The following SHISA2 variants were observed in gnomAD, a reference collection of about 807,000 sequenced individuals.
SHISA2 encodes the protein shisa family member 2.
In SHISA2, 16 loss-of-function variants were observed where a neutral mutation model predicts 23.8. The ratio of observed to expected loss-of-function variants is 0.67; its 90% confidence interval spans 0.46 to 1.02. The LOEUF (loss-of-function observed/expected upper bound fraction) is 1.02. Ranked by LOEUF, SHISA2 falls within the 50% of genes least tolerant of loss-of-function variation. The pLI is 0.00. For synonymous variants in SHISA2, 201 were observed against 178.6 expected, an observed-to-expected ratio of 1.13 and a Z score of -1.00; for missense variants, 459 against 420.1, an observed-to-expected ratio of 1.09 and a Z score of -0.81.
rs1304666713 is a variant in SHISA2, at chr13:26,050,817, C to T, written c.159G>A (p.Gln53=). 2.6e-6 allele frequency: 4 copies of T among 1,541,466 alleles called. No homozygotes were observed. The South Asian group carries it at 4.7e-5, about 18-fold the overall frequency. Reference sequence around the variant, plus strand: ...CGCCGCCGTCGAAGCGCTCGGGACACTGGAAGCCGATGCGCCAGACGCCCT... The same window carrying T: ...CGCCGCCGTCGAAGCGCTCGGGACATTGGAAGCCGATGCGCCAGACGCCCT... ...DAQGVWRIGF[Q]CPERFDGGDA... is the part of the protein sequence containing the mutation. The change falls in exon 1 of 2, where the codon CAG becomes CAA. Residue 53 remains glutamine (Q), a synonymous_variant. Transcript: ENST00000319420.
chr13:26,049,901 C>CACACAA (rs1957289869), intron 1 of SHISA2, among the ~76,000 whole-genome samples: 1 of 150,752 alleles, frequency 6.6e-6, no homozygotes, highest in South Asian at 2.1e-4. Flanking sequence ...CACACACACA[C>CACACAA]GGAGTGACTG....
chr13:26,046,959 C>A lies in SHISA2; in HGVS notation c.442G>T (p.Asp148Tyr), dbSNP rs375336633. Residue 148 changes from aspartate to tyrosine, a missense_variant, in exon 2 of 2, where the codon GAT (aspartate) becomes TAT (tyrosine). Physicochemically the swap from Asp to Tyr is radical, Grantham distance 160 (BLOSUM62 -3). Transcript: ENST00000319420. Reference sequence around the variant, plus strand: ...CCTGGGGCTCGGCTCTGCTGGGGATCCTGCTTAGGCCGGAGACATCTGCAG... The same window carrying A: ...CCTGGGGCTCGGCTCTGCTGGGGATACTGCTTAGGCCGGAGACATCTGCAG... ...CCCRCLRPKQ[D>Y]PQQSRAPGGN... The A allele has an allele frequency of 6.2e-7, 1 of 1,611,522 alleles. No individual in the cohort carries two copies. The highest frequency in any genetic ancestry group is 1.3e-5 in the African/African-American group (1 of 74,936).
rs1957300847 is a variant in SHISA2 at position 26,051,082 on chromosome 13, G to A, written c.-107C>T. 4 of 1,067,506 alleles carry A rather than the reference G, an allele frequency of 3.7e-6. No homozygotes were observed. Among genetic ancestry groups the A allele is most frequent in the Non-Finnish European group, 5.1e-6 (4 of 788,848 alleles). The allele number at this position is 1,067,506 out of a possible 1,614,324, so 66.1% of individuals were successfully genotyped here. On this transcript the variant is annotated 5_prime_UTR_variant, in exon 1 of 2. Coordinates refer to ENST00000319420, the MANE Select transcript of SHISA2 (RefSeq NM_001007538.2). ...GCCTCGTCACTGACTGTCCCGCGGC[G>A]CTTTCCGCGCGGGCCACTCCCCTCT...
Position 26,046,431 on chromosome 13 carries a change from C to T in SHISA2, c.*82G>A. On this transcript the variant is annotated 3_prime_UTR_variant, in exon 2 of 2. Coordinates refer to ENST00000319420, the MANE Select transcript of SHISA2 (RefSeq NM_001007538.2). Reference sequence around the variant, plus strand: ...CAAAGGAATCGTGCCATAAATACCACCGACATGTGCGGACTTCCACCTCGA... The same window carrying T: ...CAAAGGAATCGTGCCATAAATACCATCGACATGTGCGGACTTCCACCTCGA... 7.0e-7 allele frequency: 1 copy of T among 1,419,870 alleles called. No individual in the cohort carries two copies. Among genetic ancestry groups the T allele is most frequent in the Non-Finnish European group, 9.5e-7 (1 of 1,057,570 alleles). The allele number at this position is 1,419,870 out of a possible 1,614,324, so 88.0% of individuals were successfully genotyped here.
In SHISA2 at chr13:26,051,992, C is replaced by T. The variant is rs1593750807; in HGVS notation, c.-1017G>A. Among the ~76,000 whole-genome samples the T allele has an allele frequency of 6.8e-6, 1 of 146,712 alleles. No homozygotes were observed. Among genetic ancestry groups the T allele is most frequent in the East Asian group, 2.0e-4 (1 of 4,896 alleles). On this transcript the variant is annotated 5_prime_UTR_variant, in exon 1 of 2. Coordinates refer to ENST00000319420, the MANE Select transcript of SHISA2 (RefSeq NM_001007538.2). ...CGCCCACAGCCTCGCCTCGCCCCGCCCGGCGCCAGACCAGCTCCGACTCCG... is the reference window on the plus strand; with the variant it reads ...CGCCCACAGCCTCGCCTCGCCCCGCTCGGCGCCAGACCAGCTCCGACTCCG...
intron 1 of SHISA2, among the ~76,000 whole-genome samples, chr13:26,049,513 C>T (rs1372017571): frequency 6.6e-6 from 1 of 152,148 alleles, no homozygotes; most frequent in Non-Finnish European, 1.5e-5. Context: ...GGGCTTTCTT[C>T]CATGGCCACA....
At position 26,047,120 on chromosome 13, in the gene SHISA2, C is replaced by A. The variant is rs1957274377; in HGVS notation, c.335-54G>T. ...ATGATCTACTCTAGGAACACAGTAC[C>A]AATCGCCAACTGGCAATGGCAATGA... On this transcript the variant is annotated intron_variant, in intron 1 of 1. Coordinates refer to ENST00000319420, the MANE Select transcript of SHISA2 (RefSeq NM_001007538.2). The A allele has an allele frequency of 2.0e-6, 3 of 1,473,948 alleles. No individual in the cohort carries two copies. In the African/African-American group the frequency reaches 4.2e-5, roughly 21 times the overall value. 91.3% of individuals were successfully genotyped at this position (1,473,948 alleles called of 1,614,324 possible).
chr13:26,048,376 G>A (rs181278859), intron 1 of SHISA2, among the ~76,000 whole-genome samples: 1 of 152,218 alleles, frequency 6.6e-6, no homozygotes, highest in East Asian at 1.9e-4. Flanking sequence ...GCACTACAAG[G>A]CTTTAGAAAA....
intron 1 of SHISA2, among the ~76,000 whole-genome samples, chr13:26,049,863 AACACACACACAC>A (rs57979033): frequency 6.0e-4 from 82 of 136,040 alleles, no homozygotes; most frequent in African/African-American, 1.2e-3. Flanking sequence ...CGAAATAAAT[AACACACACACAC>A]ACACACACAC....
Position 26,046,759 on chromosome 13 carries a change from G to A in SHISA2, c.642C>T (p.Asn214=), listed in dbSNP as rs1957270927. 2 of 1,614,226 alleles carry A rather than the reference G, an allele frequency of 1.2e-6. No homozygotes were observed. Among genetic ancestry groups the A allele is most frequent in the Non-Finnish European group, 1.7e-6 (2 of 1,180,042 alleles). The change falls in exon 2 of 2, where the codon AAC becomes AAT. Residue 214 remains asparagine (N), a synonymous_variant. Transcript: ENST00000319420. ...TNCCLPEGTM[N]NVYVNMPTNF... ...TCGTGGGCATGTTGACATACACGTT[G>A]TTCATGGTCCCTTCCGGCAAGCAAC...
intron 1 of SHISA2, among the ~76,000 whole-genome samples, chr13:26,049,030 C>T (rs1469855008): frequency 6.6e-6 from 1 of 152,128 alleles, no homozygotes; most frequent in East Asian, 1.9e-4. Flanking sequence ...ATAAATATTT[C>T]ATTCTCTAAA....
rs1006864406 is a variant in SHISA2, at chr13:26,046,732, A to G, written c.669T>C (p.Asn223=). ...CCTGCTGACAGTTCAGCACAGAGAA[A>G]TTCGTGGGCATGTTGACATACACGT... is the stretch of plus-strand genomic sequence containing the variant. ...MNNVYVNMPT[N]FSVLNCQQAT... The change falls in exon 2 of 2, where the codon AAT becomes AAC. Residue 223 remains asparagine, a synonymous_variant. Transcript: ENST00000319420. 1.6e-5 allele frequency: 26 copies of G among 1,614,176 alleles called. No homozygotes were observed. The highest frequency in any genetic ancestry group is 1.9e-5 in the Non-Finnish European group (23 of 1,180,036).
intron 1 of SHISA2, among the ~76,000 whole-genome samples, chr13:26,049,558 C>A (rs1031161536): frequency 6.6e-6 from 1 of 151,776 alleles, no homozygotes; most frequent in Non-Finnish European, 1.5e-5. Flanking sequence ...TTTAAGACTG[C>A]GCTGGTTCTG....
At chr13:26,050,066 G>C (rs1177835718) in intron 1 of SHISA2, among the ~76,000 whole-genome samples, 1 of 152,176 alleles carries the variant, frequency 6.6e-6, no homozygotes, top group Non-Finnish European at 1.5e-5. Flanking sequence ...GCACTGCTCC[G>C]ATGTTACACC....
In SHISA2 at chr13:26,047,033, G is replaced by A; in HGVS notation, c.368C>T (p.Ser123Phe). 1 of 1,563,326 alleles carries A rather than the reference G, an allele frequency of 6.4e-7. No homozygotes were observed. The highest frequency in any genetic ancestry group is 1.2e-5 in the South Asian group (1 of 84,928). Reference protein sequence around the residue: ...PIYVPFLIVGSVFVAFIILGS... With the variant: ...PIYVPFLIVGFVFVAFIILGS... ...CAAGATGATAAAGGCGACAAACACG[G>A]AGCCAACAATGAGGAACGGCACGTA... is the stretch of plus-strand genomic sequence containing the variant. The change falls in exon 2 of 2, where the codon TCC (serine) becomes TTC (phenylalanine). Residue 123 changes from serine to phenylalanine, a missense_variant. Physicochemically the swap from Ser to Phe is radical, Grantham distance 155. Coordinates refer to ENST00000319420, the MANE Select transcript of SHISA2 (RefSeq NM_001007538.2).
rs1240771162 is a variant in SHISA2, at chr13:26,051,286, G to A, written c.-311C>T. On this transcript the variant is annotated 5_prime_UTR_variant, in exon 1 of 2. Transcript: ENST00000319420. The stretch of plus-strand genomic sequence containing the variant: ...GGCTGTCGTCCGGAAGCCTCTGGAG[G>A]TTTCACTGGCAACCGGACCCTCCCT... 6.6e-6 allele frequency among the ~76,000 whole-genome samples: 1 copy of A among 152,156 alleles called. No individual in the cohort carries two copies. The highest frequency in any genetic ancestry group is 6.5e-5 in the Admixed American group (1 of 15,286).
rs1957259065 is a variant in SHISA2, at chr13:26,045,338, T to C, written c.*1175A>G. 6.6e-6 allele frequency: 1 copy of C among 152,124 alleles called. No individual in the cohort carries two copies. The highest frequency in any genetic ancestry group is 2.4e-5 in the African/African-American group (1 of 41,418). The allele number at this position is 152,124 out of a possible 1,614,324, so 9.4% of individuals were successfully genotyped here. ...CATAACCACAAGGCAAAATTAAAAG[T>C]AACTCAGAGAAGCAGCGGGTGATAG... On this transcript the variant is annotated 3_prime_UTR_variant, in exon 2 of 2. Coordinates refer to ENST00000319420, the MANE Select transcript of SHISA2 (RefSeq NM_001007538.2).
intron 1 of SHISA2, among the ~76,000 whole-genome samples, chr13:26,048,603 T>A (rs1468642995): frequency 6.6e-6 from 1 of 152,160 alleles, no homozygotes; most frequent in Non-Finnish European, 1.5e-5. Flanking sequence ...CAGAGTCGGA[T>A]GGGGCAGCAT....
At position 26,046,234 on chromosome 13, in the gene SHISA2, T is replaced by A; in HGVS notation, c.*279A>T. On this transcript the variant is annotated 3_prime_UTR_variant, in exon 2 of 2. Coordinates refer to ENST00000319420, the MANE Select transcript of SHISA2 (RefSeq NM_001007538.2). ...TTATAAAATTCTTTCGTCAACCATATCTCAAGGGCACTTCGGACTCAAGCA... is the reference window on the plus strand; with the variant it reads ...TTATAAAATTCTTTCGTCAACCATAACTCAAGGGCACTTCGGACTCAAGCA... 1 of 330,506 alleles carries A rather than the reference T, an allele frequency of 3.0e-6. No homozygotes were observed. The highest frequency in any genetic ancestry group is 5.5e-6 in the Non-Finnish European group (1 of 181,288). 20.5% of individuals were successfully genotyped at this position (330,506 alleles called of 1,614,324 possible).
Sources: gnomAD v4.1 joint callset for allele counts (sites outside exome capture counted in the v4.1 genomes callset) on GRCh38, gnomAD v4.1.1 for gene constraint, MANE v1.5 for transcripts, NCBI Gene and HGNC (gene_info 2026-07-23, HGNC 2026-07-21) for gene names.